ZNF83: variants seen among roughly 807,000 people sequenced by gnomAD.
ZNF83 encodes zinc finger protein 816B.
For synonymous variants in ZNF83, 209 were observed against 213.0 expected, an observed-to-expected ratio of 0.98 and a Z score of 0.17; for missense variants, 552 against 629.9, an observed-to-expected ratio of 0.88 and a Z score of 1.32.
intron 2 of ZNF83, among the ~76,000 whole-genome samples, chr19:52,658,283 G>A (rs1195012881): frequency 6.6e-6 from 1 of 152,024 alleles, no homozygotes; most frequent in African/African-American, 2.4e-5. Flanking sequence ...TCTGGCTCAT[G>A]CCTGTAATTT....
At chr19:52,631,425 G>C (rs1265638528) in intron 2 of ZNF83, among the ~76,000 whole-genome samples, 2 of 152,184 alleles carry the variant, frequency 1.3e-5, no homozygotes, top group East Asian at 3.9e-4. Context: ...GCGTGCAGCA[G>C]CTGCTGCCGC....
intron 1 of ZNF83, among the ~76,000 whole-genome samples, chr19:52,683,620 A>T (rs1748540237): frequency 6.6e-6 from 1 of 152,142 alleles, no homozygotes; most frequent in African/African-American, 2.4e-5. Flanking sequence ...CAGTTCACAC[A>T]GATGACAAAA....
rs549528324 is a variant in ZNF83 at position 52,619,201 on chromosome 19, G to A, written c.-233-4404C>T. 1.1e-4 allele frequency: 181 copies of A among 1,592,106 alleles called. No individual in the cohort carries two copies. The African/African-American group carries it at 1.9e-3, about 17-fold the overall frequency. ...CTGAGTAAGGGATTTTTCACCACAT[G>A]ATGTCTTCCCAGTGGTGTTTGATTA... On this transcript the variant is annotated intron_variant, in intron 2 of 2. Coordinates refer to ENST00000301096, the Ensembl canonical transcript of ZNF83.
At position 52,661,854 on chromosome 19, in the gene ZNF83, G is replaced by A. The variant is rs149342732; in HGVS notation, c.-282-1011C>T. Among the ~76,000 whole-genome samples, 545 of 152,306 alleles carry A rather than the reference G, an allele frequency of 3.6e-3. 3 individuals carry two copies. The highest frequency in any genetic ancestry group is 0.012 in the African/African-American group (505 of 41,568). On this transcript the variant is annotated intron_variant, in intron 1 of 5. Coordinates refer to the ZNF83 transcript ENST00000594682. ...TCACAAAGGTTACTGTAGATAAAGT[G>A]ATGTCACAACAAAGACTTAGGGAAG...
At chr19:52,638,909 G>C (rs976518735), upstream of ZNF83, among the ~76,000 whole-genome samples, 4 of 152,142 alleles carry the variant, frequency 2.6e-5, no homozygotes, top group African/African-American at 4.8e-5. Flanking sequence ...GAGGATCGCC[G>C]AGCCTGGGAG....
chr19:52,614,145 T>TTG (rs777701580), exon 3 of ZNF83: 2 of 1,614,070 alleles, frequency 1.2e-6, no homozygotes, highest in African/African-American at 2.7e-5. Flanking sequence ...TATGAATTCT[T>TTG]TGATGACTTG....
chr19:52,644,571 C>A (rs181482280), intron 3 of ZNF83, among the ~76,000 whole-genome samples: 1 of 152,242 alleles, frequency 6.6e-6, no homozygotes, highest in East Asian at 1.9e-4. Flanking sequence ...GGTTCTGATG[C>A]CATTGACTCC....
chr19:52,668,415 G>C (rs2061682003), intron 1 of ZNF83, among the ~76,000 whole-genome samples: 2 of 152,000 alleles, frequency 1.3e-5, no homozygotes, highest in South Asian at 4.1e-4. Flanking sequence ...TCCTTTCCCA[G>C]TGCTTATATC....
At chr19:52,653,141 A>G in intron 3 of ZNF83, 1 of 1,472,674 alleles carries the variant, frequency 6.8e-7, no homozygotes. Context: ...CACTCATGAC[A>G]GTTGTAAGGT....
exon 3 of ZNF83, chr19:52,614,700 G>T: frequency 7.4e-7 from 1 of 1,346,028 alleles, no homozygotes; most frequent in Non-Finnish European, 9.6e-7. Context: ...GTATGTCGTG[G>T]CTTTCATGTC....
chr19:52,614,863 A>C, intron 2 of ZNF83, 66 bp from the exon 3 acceptor site: 1 of 1,201,812 alleles, frequency 8.3e-7, no homozygotes, highest in Non-Finnish European at 1.1e-6. Context: ...TCTCCTATTG[A>C]AATGTGTAAT....
chr19:52,639,070 G>C (rs1416439720), upstream of ZNF83, among the ~76,000 whole-genome samples: 1 of 152,110 alleles, frequency 6.6e-6, no homozygotes, highest in Non-Finnish European at 1.5e-5. Context: ...CCAGTTAGTT[G>C]TCCCAGCGTA....
intron 3 of ZNF83, among the ~76,000 whole-genome samples, chr19:52,648,647 G>C (rs930627661): frequency 6.6e-6 from 1 of 152,072 alleles, no homozygotes; most frequent in African/African-American, 2.4e-5. Flanking sequence ...CTGTAATCTT[G>C]TTCAGTCCCG....
rs199990989 is a variant in ZNF83, at chr19:52,614,036, A to T, written c.529T>A (p.Tyr177Asn). 3 of 1,613,352 alleles carry T rather than the reference A, an allele frequency of 1.9e-6. No homozygotes were observed. The East Asian group carries it at 6.7e-5, about 36-fold the overall frequency. The change falls in exon 3 of 3, where the codon TAT becomes AAT. Residue 177 changes from tyrosine to asparagine, a missense_variant. Tyr to Asn is a moderately radical substitution (Grantham distance 143). Coordinates refer to ENST00000301096, the Ensembl canonical transcript of ZNF83. ...ACCTTGCCACATTCATTACATTTAT[A>T]TGGTTTCTCTCCAGTATGAATCCTG...
intron 2 of ZNF83, among the ~76,000 whole-genome samples, chr19:52,631,660 C>CCTCATGACTG (rs1282394690): frequency 6.6e-6 from 1 of 152,224 alleles, no homozygotes; most frequent in East Asian, 1.9e-4. Flanking sequence ...CACACCTGAC[C>CCTCATGACTG]CTCATGACTG....
At chr19:52,660,279 G>A (rs969335364) in intron 2 of ZNF83, among the ~76,000 whole-genome samples, 5 of 152,146 alleles carry the variant, frequency 3.3e-5, no homozygotes, top group African/African-American at 1.2e-4. Context: ...CCAAGAAGAA[G>A]CAATCAGTTT....
At chr19:52,683,970 C>T (rs958745242) in intron 1 of ZNF83, among the ~76,000 whole-genome samples, 4 of 152,102 alleles carry the variant, frequency 2.6e-5, no homozygotes, top group Admixed American at 1.3e-4. Context: ...ACAGTGACTC[C>T]CGTCTGCAAT....
intron 1 of ZNF83, among the ~76,000 whole-genome samples, chr19:52,637,957 G>A (rs383359): frequency 0.47 from 70,706 of 152,014 alleles, 17,210 homozygotes; most frequent in East Asian, 0.74. Context: ...CTGGCGCTGC[G>A]CTCCAGTGGC....
intron 1 of ZNF83, among the ~76,000 whole-genome samples, chr19:52,664,810 G>T (rs2147290284): frequency 6.6e-6 from 1 of 151,990 alleles, no homozygotes. Context: ...GGAATGAAGG[G>T]GTCAGGGCCT....
Sources: allele counts gnomAD v4.1 joint callset (sites outside exome capture counted in the v4.1 genomes callset), GRCh38; gene constraint gnomAD v4.1.1; transcripts MANE v1.5; gene names NCBI Gene and HGNC (gene_info 2026-07-23, HGNC 2026-07-21).